DLGAP2: variants seen among roughly 807,000 people sequenced by gnomAD.
The protein encoded by DLGAP2 is disks large-associated protein 2.
A neutral mutation model predicts 100.3 loss-of-function variants in DLGAP2; 26 were observed. That is an observed-to-expected ratio of 0.26 (90% CI 0.19 to 0.36). The LOEUF (loss-of-function observed/expected upper bound fraction) is 0.36. Ranked by LOEUF, DLGAP2 falls within the 10% of genes least tolerant of loss-of-function variation. The probability of loss-of-function intolerance (pLI) is 1.00; values close to 1 mark genes in which losing one functional copy is unlikely to be tolerated. For synonymous variants in DLGAP2, 886 were observed against 630.1 expected, an observed-to-expected ratio of 1.41 and a Z score of -6.08; for missense variants, 1,858 against 1,453.2, an observed-to-expected ratio of 1.28 and a Z score of -4.53.
At chr8:1,022,690 A>T (rs1005905100) in intron 2 of DLGAP2, among the ~76,000 whole-genome samples, 43 of 145,812 alleles carry the variant, frequency 2.9e-4, no homozygotes, top group African/African-American at 1.0e-3. Flanking sequence ...CGCTCCAAAC[A>T]GCACCCACCC....
At chr8:1,640,320 C>T (rs1797867235) in intron 8 of DLGAP2, among the ~76,000 whole-genome samples, 1 of 129,078 alleles carries the variant, frequency 7.7e-6, no homozygotes, top group Non-Finnish European at 1.6e-5. Flanking sequence ...AGTGTCAGAC[C>T]TGCTGCTGAA....
At chr8:998,734 A>C (rs1371995943) in intron 2 of DLGAP2, among the ~76,000 whole-genome samples, 1 of 152,114 alleles carries the variant, frequency 6.6e-6, no homozygotes, top group Admixed American at 6.6e-5. Flanking sequence ...TTATAATCTG[A>C]GGAAAACTTG....
At chr8:1,283,126 TG>T (rs1283983669) in intron 3 of DLGAP2, among the ~76,000 whole-genome samples, 1 of 148,446 alleles carries the variant, frequency 6.7e-6, no homozygotes, top group Admixed American at 6.7e-5. Context: ...CATCCGGACA[TG>T]GTGTGACCTG....
chr8:1,222,284 G>A (rs926108256), intron 2 of DLGAP2, among the ~76,000 whole-genome samples: 8 of 152,226 alleles, frequency 5.3e-5, no homozygotes, highest in East Asian at 1.9e-4. Context: ...ATGCCCTTGC[G>A]AGTTTGACTG....
At chr8:1,270,006 G>T (rs551966459) in intron 3 of DLGAP2, among the ~76,000 whole-genome samples, 131 of 152,292 alleles carry the variant, frequency 8.6e-4, no homozygotes, top group African/African-American at 2.9e-3. Context: ...TCCTGGGCGG[G>T]GAGCATTTTC....
At chr8:805,163 GT>G (rs1448490186) in intron 1 of DLGAP2, among the ~76,000 whole-genome samples, 1 of 152,230 alleles carries the variant, frequency 6.6e-6, no homozygotes, top group African/African-American at 2.4e-5. Flanking sequence ...TTTGGGTAGA[GT>G]TTTTCTTTTC....
chr8:1,411,469 A>G (rs1260528305), intron 3 of DLGAP2, among the ~76,000 whole-genome samples: 1 of 152,212 alleles, frequency 6.6e-6, no homozygotes, highest in Non-Finnish European at 1.5e-5. Flanking sequence ...CCGAAGATAT[A>G]ACTCCATCCT....
intron 3 of DLGAP2, among the ~76,000 whole-genome samples, chr8:1,428,770 A>C (rs775587262): frequency 2.6e-5 from 4 of 152,216 alleles, no homozygotes; most frequent in Non-Finnish European, 1.5e-5. Flanking sequence ...GGAAGAGGCC[A>C]TGTGGCTCAT....
At chr8:1,528,889 C>G (rs1413420311) in intron 4 of DLGAP2, among the ~76,000 whole-genome samples, 2 of 148,022 alleles carry the variant, frequency 1.4e-5, no homozygotes, top group Non-Finnish European at 3.0e-5. Flanking sequence ...AATAGTGATG[C>G]TCAGGAAACA....
chr8:1,692,648 G>A (rs1799282670), intron 13 of DLGAP2, among the ~76,000 whole-genome samples: 1 of 152,126 alleles, frequency 6.6e-6, no homozygotes, highest in Admixed American at 6.5e-5. Flanking sequence ...TGAAGAAAAT[G>A]ATCTAAGGTG....
At position 1,503,920 on chromosome 8, in the gene DLGAP2, G is replaced by A. The variant is rs150826679; in HGVS notation, c.172+2489G>A. 7.7e-4 allele frequency among the ~76,000 whole-genome samples: 117 copies of A among 152,278 alleles called. 1 individual carries two copies. The highest frequency in any genetic ancestry group is 2.7e-3 in the African/African-American group (111 of 41,508). On this transcript the variant is annotated intron_variant, in intron 4 of 14. Transcript: ENST00000637795. ...TCTGGAGGGAGAGGGAGGAACTGCT[G>A]TAGCCATCTGGTGAGCCCAGGGACC...
intron 6 of DLGAP2, among the ~76,000 whole-genome samples, chr8:1,613,044 A>G (rs1797030765): frequency 7.8e-6 from 1 of 128,306 alleles, no homozygotes; most frequent in East Asian, 2.2e-4. Flanking sequence ...ATTACTGGGT[A>G]TATACCCAAA....
intron 1 of DLGAP2, among the ~76,000 whole-genome samples, chr8:747,503 G>A (rs1442790318): frequency 6.8e-6 from 1 of 147,044 alleles, no homozygotes; most frequent in African/African-American, 2.5e-5. Context: ...AGGGGAACGC[G>A]GAGGACACAG....
At chr8:847,569 A>G (rs773233657) in intron 1 of DLGAP2, among the ~76,000 whole-genome samples, 17 of 151,996 alleles carry the variant, frequency 1.1e-4, no homozygotes, top group Non-Finnish European at 2.5e-4. Flanking sequence ...TGCAAGTGGA[A>G]TGATCTCAGC....
chr8:785,566 C>CCCT (rs56117863), intron 1 of DLGAP2, among the ~76,000 whole-genome samples: 16 of 137,864 alleles, frequency 1.2e-4, no homozygotes, highest in African/African-American at 3.1e-4. Context: ...AGACCGGCCT[C>CCCT]CCTCCCCTCA....
chr8:842,842 A>G (rs1445868794), intron 1 of DLGAP2, among the ~76,000 whole-genome samples: 1 of 152,094 alleles, frequency 6.6e-6, no homozygotes, highest in Non-Finnish European at 1.5e-5. Flanking sequence ...ATTTATTTCT[A>G]AACGTTTTTC....
intron 2 of DLGAP2, among the ~76,000 whole-genome samples, chr8:1,062,705 G>C (rs1376999497): frequency 6.6e-6 from 1 of 152,090 alleles, no homozygotes; most frequent in African/African-American, 2.4e-5. Context: ...CTCATCTCTT[G>C]ATAGTCGTTG....
chr8:1,417,694 G>GAC (rs1563134271), intron 3 of DLGAP2, among the ~76,000 whole-genome samples: 1 of 144,328 alleles, frequency 6.9e-6, no homozygotes, highest in Non-Finnish European at 1.5e-5. Context: ...GGCACAGGGG[G>GAC]CCCCACTCCT....
chr8:935,674 G>A lies in DLGAP2; in HGVS notation c.73+27708G>A, dbSNP rs148701345. On this transcript the variant is annotated intron_variant, in intron 2 of 14. Coordinates refer to ENST00000637795, the MANE Select transcript of DLGAP2 (RefSeq NM_001346810.2). ...CCTCAGTCGTGTTCTGTCATCCGTC[G>A]TGTCTAAGTGTGTTTCCTTCACAAG... Among the ~76,000 whole-genome samples the A allele has an allele frequency of 7.8e-3, 1,179 of 152,034 alleles. 8 individuals are homozygous for A. The highest frequency in any genetic ancestry group is 0.012 in the Non-Finnish European group (837 of 67,986).
Sources: gnomAD v4.1 joint callset for allele counts (sites outside exome capture counted in the v4.1 genomes callset) on GRCh38, gnomAD v4.1.1 for gene constraint, MANE v1.5 for transcripts, NCBI Gene and HGNC (gene_info 2026-07-23, HGNC 2026-07-21) for gene names.